DLG2: variants seen among roughly 807,000 people sequenced by gnomAD.
DLG2 encodes discs large MAGUK scaffold protein 2, also known as disks large homolog 2.
In DLG2, 45 loss-of-function variants were observed where a neutral mutation model predicts 132.5. The observed-to-expected ratio is 0.34, with a 90% CI of 0.27 to 0.44. The LOEUF (loss-of-function observed/expected upper bound fraction) is 0.44, where lower values mean the gene tolerates loss of function less well. DLG2 is among the 20% of genes least tolerant of loss of function. The pLI is 1.00. For missense variants in DLG2, 1,045 were observed against 1,196.9 expected, an observed-to-expected ratio of 0.87 and a Z score of 1.87; for synonymous variants, 424 against 419.6, an observed-to-expected ratio of 1.01 and a Z score of -0.13.
intron 18 of DLG2, among the ~76,000 whole-genome samples, chr11:83,706,834 A>G (rs1212331677): frequency 6.6e-6 from 1 of 152,206 alleles, no homozygotes; most frequent in Non-Finnish European, 1.5e-5. Flanking sequence ...TTACACCTGG[A>G]TGAAGCTGGT....
intron 11 of DLG2, among the ~76,000 whole-genome samples, 153 bp from the exon 12 acceptor site, chr11:83,980,795 G>A (rs1288265823): frequency 2.0e-5 from 3 of 152,092 alleles, no homozygotes; most frequent in Admixed American, 6.6e-5. Context: ...TTTCAATCTC[G>A]TTATTTAAAT....
At position 83,696,244 on chromosome 11, in the gene DLG2, A is replaced by G. The variant is rs566046899; in HGVS notation, c.1826-62919T>C. Among the ~76,000 whole-genome samples the G allele has an allele frequency of 4.3e-4, 65 of 152,262 alleles. 2 individuals are homozygous for G. The South Asian group carries it at 0.013, about 32-fold the overall frequency. ...GTAAAGAAAAGAAGGGAGAACTAAT[A>G]TTAGGAAGGAGAAAATCTGGGCTGG... On this transcript the variant is annotated intron_variant, in intron 18 of 27. Transcript: ENST00000376104.
intron 6 of DLG2, among the ~76,000 whole-genome samples, chr11:84,575,301 G>T (rs758624555): frequency 6.6e-6 from 1 of 151,904 alleles, no homozygotes; most frequent in Non-Finnish European, 1.5e-5. Context: ...ATTACTTATA[G>T]TTCCTCCTGA....
intron 9 of DLG2, among the ~76,000 whole-genome samples, chr11:84,158,113 G>C (rs558988224): frequency 1.3e-5 from 2 of 152,010 alleles, no homozygotes; most frequent in East Asian, 3.9e-4. Context: ...GCCCAGGCTG[G>C]AGTGCAGTGG....
At chr11:84,486,740 C>T (rs1387467385) in intron 7 of DLG2, among the ~76,000 whole-genome samples, 1 of 152,036 alleles carries the variant, frequency 6.6e-6, no homozygotes, top group African/African-American at 2.4e-5. Context: ...AAAAAATCAG[C>T]TACCCCAAGA....
rs150732238 is a variant in DLG2 at position 84,585,385 on chromosome 11, A to G, written c.358-50654T>C. ...TTTGTTTAGCCGATATGCTTATCTA[A>G]TCCTGAAACCACACTGTCATCAGAA... is the stretch of plus-strand genomic sequence containing the variant. On this transcript the variant is annotated intron_variant, in intron 6 of 27. Coordinates refer to ENST00000376104, the MANE Select transcript of DLG2 (RefSeq NM_001142699.3). Among the ~76,000 whole-genome samples, 359 of 152,260 alleles carry G rather than the reference A, an allele frequency of 2.4e-3. 2 individuals are homozygous for G. The highest frequency in any genetic ancestry group is 8.4e-3 in the African/African-American group (351 of 41,544).
At chr11:85,396,135 TG>T (rs1480444428) in intron 3 of DLG2, among the ~76,000 whole-genome samples, 3 of 152,334 alleles carry the variant, frequency 2.0e-5, no homozygotes, top group African/African-American at 7.2e-5. Flanking sequence ...AAACAGTGTC[TG>T]GAGTGGACCT....
intron 3 of DLG2, among the ~76,000 whole-genome samples, chr11:85,571,575 T>C (rs536837086): frequency 2.0e-5 from 3 of 152,324 alleles, no homozygotes; most frequent in Non-Finnish European, 4.4e-5. Context: ...AACTTTGAAC[T>C]TGCTCAGATT....
intron 6 of DLG2, among the ~76,000 whole-genome samples, chr11:84,708,627 T>C (rs978333860): frequency 9.2e-5 from 14 of 151,930 alleles, no homozygotes; most frequent in Middle Eastern, 3.4e-3. Flanking sequence ...AAAACAGGCA[T>C]CCGGTTTCTA....
At chr11:85,262,997 T>C (rs2077021953) in intron 4 of DLG2, among the ~76,000 whole-genome samples, 1 of 152,174 alleles carries the variant, frequency 6.6e-6, no homozygotes, top group African/African-American at 2.4e-5. Flanking sequence ...CTTTGTCCCA[T>C]GGTGGGACCA....
At chr11:85,527,617 T>G (rs2074879676) in intron 3 of DLG2, among the ~76,000 whole-genome samples, 1 of 152,222 alleles carries the variant, frequency 6.6e-6, no homozygotes, top group Non-Finnish European at 1.5e-5. Context: ...TTGGGTTTGT[T>G]CCAAGTATTT....
intron 5 of DLG2, among the ~76,000 whole-genome samples, chr11:85,138,957 C>T (rs1406833355): frequency 1.3e-5 from 2 of 152,036 alleles, no homozygotes; most frequent in Non-Finnish European, 2.9e-5. Flanking sequence ...ATTCTTCCTC[C>T]GGGCCTTGAA....
intron 7 of DLG2, among the ~76,000 whole-genome samples, chr11:84,353,720 T>A (rs1200615748): frequency 3.3e-5 from 5 of 152,188 alleles, no homozygotes; most frequent in Non-Finnish European, 7.4e-5. Flanking sequence ...ATCATTTTTA[T>A]CTTGTCTTCT....
At chr11:85,021,272 C>T in intron 6 of DLG2, 1 of 1,297,830 alleles carries the variant, frequency 7.7e-7, no homozygotes, top group Non-Finnish European at 1.1e-6. Context: ...GGTACACGTG[C>T]TGGGTGACTG....
At chr11:84,406,165 C>G (rs61897676) in intron 7 of DLG2, among the ~76,000 whole-genome samples, 16,432 of 152,170 alleles carry the variant, frequency 0.11, 1,542 homozygotes, top group African/African-American at 0.25. Flanking sequence ...TAGCTGTCAC[C>G]ACACTTAACC....
chr11:84,461,835 G>A (rs935928767), intron 7 of DLG2, among the ~76,000 whole-genome samples: 2 of 150,742 alleles, frequency 1.3e-5, no homozygotes, highest in Middle Eastern at 3.4e-3. Flanking sequence ...TTCTGGGAGG[G>A]CAGCAACTAC....
rs535321440 is a variant in DLG2 at position 85,199,132 on chromosome 11, A to G, written c.187-44481T>C. Among the ~76,000 whole-genome samples the G allele has an allele frequency of 5.9e-5, 9 of 152,346 alleles. No homozygotes were observed. The South Asian group carries it at 1.2e-3, about 21-fold the overall frequency. On this transcript the variant is annotated intron_variant, in intron 4 of 27. Transcript: ENST00000376104. ...GTACAAAAATGTTCAGAGCAACTTT[A>G]TTCATAATAGCCAAAATCAGTGAAT...
At chr11:85,028,741 C>T (rs1187495135) in intron 6 of DLG2, among the ~76,000 whole-genome samples, 2 of 152,140 alleles carry the variant, frequency 1.3e-5, no homozygotes, top group East Asian at 1.9e-4. Context: ...GGGGCCAGGG[C>T]TGGAGAGGGA....
At chr11:84,586,362 C>T (rs1423596980) in intron 6 of DLG2, among the ~76,000 whole-genome samples, 2 of 151,986 alleles carry the variant, frequency 1.3e-5, no homozygotes, top group Non-Finnish European at 2.9e-5. Flanking sequence ...GTTGATTTTG[C>T]CTGACATTTA....
Sources: gnomAD v4.1 joint callset for allele counts (sites outside exome capture counted in the v4.1 genomes callset) on GRCh38, gnomAD v4.1.1 for gene constraint, MANE v1.5 for transcripts, NCBI Gene and HGNC (gene_info 2026-07-23, HGNC 2026-07-21) for gene names.